NCAM1: variants seen among roughly 807,000 people sequenced by gnomAD.
The protein encoded by NCAM1 is neural cell adhesion molecule 1.
NCAM1 carries 14 observed loss-of-function variants against 109.8 expected under a neutral mutation model. That is an observed-to-expected ratio of 0.13 (90% CI 0.08 to 0.20). The LOEUF (loss-of-function observed/expected upper bound fraction) is 0.20. Among genes scored for constraint, NCAM1 ranks in the 10% least tolerant of loss-of-function variants. NCAM1 has a pLI of 1.00. For synonymous variants in NCAM1, 418 were observed against 442.9 expected (o/e 0.94, Z 0.70); for missense variants, 774 against 1,109.9 (o/e 0.70, Z 4.30).
At chr11:113,171,461 G>A (rs182178462) in intron 1 of NCAM1, among the ~76,000 whole-genome samples, 29 of 152,130 alleles carry the variant, frequency 1.9e-4, no homozygotes, top group South Asian at 1.2e-3. Context: ...GCGAAACCCC[G>A]TTTCTACTAA....
At chr11:113,234,980 G>T (rs1449907341) in intron 13 of NCAM1, 53 bp from the exon 14 acceptor site, 1 of 1,512,502 alleles carries the variant, frequency 6.6e-7, no homozygotes, top group Admixed American at 2.1e-5. Flanking sequence ...TTTCAGAGCG[G>T]CTGCACCATT....
Position 113,109,347 on chromosome 11 carries a change from C to CAAA in NCAM1, c.53-93026_53-93024dup, listed in dbSNP as rs369724829. Among the ~76,000 whole-genome samples the CAAA allele has an allele frequency of 1.2e-3, 106 of 89,134 alleles. 3 individuals are homozygous for CAAA. Among genetic ancestry groups the CAAA allele is most frequent in the Non-Finnish European group, 1.6e-3 (71 of 44,164 alleles). 58.5% of individuals were successfully genotyped at this position (89,134 alleles called of 152,430 possible). A position where few individuals can be genotyped will look rare whatever the true frequency, so the allele number is the denominator to read the frequency against. ...TGGGTGACAGAGCGAGACTCTGTCT[C>CAAA]AAAAAAAAGAAAAAAAAACAGAGGA... On this transcript the variant is annotated intron_variant, in intron 1 of 19. Transcript: ENST00000316851.
chr11:113,181,339 G>A (rs1465614041), intron 1 of NCAM1, among the ~76,000 whole-genome samples: 1 of 152,182 alleles, frequency 6.6e-6, no homozygotes, highest in African/African-American at 2.4e-5. Flanking sequence ...GGCCTTGACA[G>A]GTGCAGGTTC....
chr11:113,017,317 G>A (rs781943917), intron 1 of NCAM1, among the ~76,000 whole-genome samples: 11 of 152,268 alleles, frequency 7.2e-5, no homozygotes, highest in Non-Finnish European at 1.6e-4. Context: ...ATTGTGTTTA[G>A]ACATGAACAA....
intron 1 of NCAM1, among the ~76,000 whole-genome samples, chr11:112,966,146 A>C (rs1214552987): frequency 2.0e-5 from 3 of 152,346 alleles, no homozygotes; most frequent in African/African-American, 7.2e-5. Flanking sequence ...CTTTAAAAGA[A>C]ATGGCAGCAC....
chr11:113,242,794 T>C, intron 14 of NCAM1: 1 of 1,613,018 alleles, frequency 6.2e-7, no homozygotes. Context: ...CTGTCTGTCG[T>C]GTTTCCATAG....
chr11:113,204,588 C>T lies in NCAM1; in HGVS notation c.346+84C>T, dbSNP rs373700895. On this transcript the variant is annotated intron_variant, in intron 3 of 19. Transcript: ENST00000316851. ...GGTAGTGGAAAGGTGGAAATGATGACAGAAGGACCAGCTGAGGGCCTAACC... is the reference window on the plus strand; with the variant it reads ...GGTAGTGGAAAGGTGGAAATGATGATAGAAGGACCAGCTGAGGGCCTAACC... The T allele has an allele frequency of 3.3e-3, 4,508 of 1,354,032 alleles. 73 individuals are homozygous for T. The highest frequency in any genetic ancestry group is 0.026 in the South Asian group (1,970 of 75,792). 83.9% of individuals were successfully genotyped at this position (1,354,032 alleles called of 1,614,324 possible).
intron 1 of NCAM1, among the ~76,000 whole-genome samples, chr11:112,968,265 C>T (rs1393982879): frequency 6.6e-6 from 1 of 152,172 alleles, no homozygotes; most frequent in African/African-American, 2.4e-5. Flanking sequence ...TGATATTTGT[C>T]ACTGCCGATA....
intron 1 of NCAM1, among the ~76,000 whole-genome samples, chr11:113,005,231 T>C (rs1951863642): frequency 6.6e-6 from 1 of 152,204 alleles, no homozygotes; most frequent in Non-Finnish European, 1.5e-5. Flanking sequence ...TTCTCTTTCA[T>C]GTGAGAGGCT....
intron 1 of NCAM1, among the ~76,000 whole-genome samples, chr11:113,186,568 C>T (rs2136658243): frequency 6.6e-6 from 1 of 152,360 alleles, no homozygotes; most frequent in East Asian, 1.9e-4. Flanking sequence ...TCTTTACCTT[C>T]ATTCCACATT....
intron 1 of NCAM1, among the ~76,000 whole-genome samples, chr11:113,122,816 G>C (rs1228208723): frequency 1.3e-5 from 2 of 152,024 alleles, no homozygotes; most frequent in African/African-American, 4.8e-5. Flanking sequence ...AGGAACTCAG[G>C]GTTGTCTAGT....
chr11:113,016,883 A>G (rs1258222011), intron 1 of NCAM1, among the ~76,000 whole-genome samples: 1 of 152,232 alleles, frequency 6.6e-6, no homozygotes, highest in African/African-American at 2.4e-5. Context: ...TTCTGCATGC[A>G]CCGGCAAAAC....
intron 1 of NCAM1, among the ~76,000 whole-genome samples, chr11:113,040,382 A>AATTGTATC (rs1953033114): frequency 6.6e-6 from 1 of 152,176 alleles, no homozygotes; most frequent in Admixed American, 6.5e-5. Context: ...GTAAAGGAAC[A>AATTGTATC]ATTGTATCAT....
chr11:113,211,322 C>A (rs558839517), intron 7 of NCAM1, among the ~76,000 whole-genome samples: 114 of 152,248 alleles, frequency 7.5e-4, no homozygotes, highest in Middle Eastern at 3.4e-3. Context: ...AAGAAAAGCC[C>A]AGAAGTCCTG....
intron 1 of NCAM1, among the ~76,000 whole-genome samples, chr11:113,177,696 A>C (rs1477703974): frequency 2.0e-5 from 3 of 152,084 alleles, no homozygotes; most frequent in Non-Finnish European, 4.4e-5. Context: ...AGCCTCCCAA[A>C]GTGCTGGGAT....
rs776222946 is a variant in NCAM1, at chr11:113,273,169, C to T, written c.2456+1293C>T. ...GGGCCCAGCGCCTCTGCCCCCTCCC[C>T]GGCCCCAGCTTCAGCCCCCAAGGTC... On this transcript the variant is annotated intron_variant, in intron 19 of 19. Coordinates refer to ENST00000316851, the MANE Select transcript of NCAM1 (RefSeq NM_181351.5). The surrounding 1 kb of genome is among the most constrained non-coding windows in gnomAD (Gnocchi z 6.0). 2.4e-4 allele frequency: 98 copies of T among 408,620 alleles called. No homozygotes were observed. Among genetic ancestry groups the T allele is most frequent in the Non-Finnish European group, 4.2e-4 (84 of 201,726 alleles). The allele number at this position is 408,620 out of a possible 1,614,324, so 25.3% of individuals were successfully genotyped here. A position where few individuals can be genotyped will look rare whatever the true frequency, so the allele number is the denominator to read the frequency against.
chr11:113,182,255 C>T (rs1555108099), intron 1 of NCAM1, among the ~76,000 whole-genome samples: 1 of 152,156 alleles, frequency 6.6e-6, no homozygotes, highest in African/African-American at 2.4e-5. Context: ...ACTCTCCTAC[C>T]AGATGGCAAT....
chr11:113,166,123 G>A (rs1167275778), intron 1 of NCAM1, among the ~76,000 whole-genome samples: 1 of 152,038 alleles, frequency 6.6e-6, no homozygotes, highest in East Asian at 1.9e-4. Context: ...GAGCCACCGC[G>A]CCCGGGCAAA....
chr11:113,000,100 T>C (rs1555072141), intron 1 of NCAM1, among the ~76,000 whole-genome samples: 2 of 152,196 alleles, frequency 1.3e-5, no homozygotes, highest in East Asian at 3.9e-4. Context: ...ATTAATTAGC[T>C]ATGACCTCAT....
Sources: gnomAD v4.1 joint callset for allele counts (sites outside exome capture counted in the v4.1 genomes callset) on GRCh38, gnomAD v4.1.1 for gene constraint, Gnocchi (gnomAD v3.1) non-coding constraint, MANE v1.5 for transcripts, NCBI Gene and HGNC (gene_info 2026-07-23, HGNC 2026-07-21) for gene names.